The following FAM163A variants were observed in gnomAD, a reference collection of about 807,000 sequenced individuals.
FAM163A encodes the protein family with sequence similarity 163 member A.
A neutral mutation model predicts 12.0 loss-of-function variants in FAM163A; 7 were observed. The observed-to-expected ratio is 0.58, with a 90% CI of 0.33 to 1.10. FAM163A has a LOEUF of 1.10. Among genes scored for constraint, FAM163A ranks in the 50% least tolerant of loss-of-function variants. The pLI, the probability that FAM163A is intolerant of heterozygous loss-of-function variation, is 0.03. For missense variants in FAM163A, 202 were observed against 218.6 expected, an observed-to-expected ratio of 0.92 and a Z score of 0.48; for synonymous variants, 101 against 91.0, an observed-to-expected ratio of 1.11 and a Z score of -0.62.
chr1:179,740,592 G>A (rs748014615), upstream of FAM163A, among the ~76,000 whole-genome samples: 52 of 152,254 alleles, frequency 3.4e-4, no homozygotes, highest in Non-Finnish European at 6.8e-4. Context: ...AGGTTGCTGC[G>A]TGGGAAAAAA....
intron 1 of FAM163A, among the ~76,000 whole-genome samples, chr1:179,749,973 A>G (rs1020584760): frequency 1.3e-5 from 2 of 152,362 alleles, no homozygotes; most frequent in African/African-American, 4.8e-5. Flanking sequence ...ATATTCTATC[A>G]GCTTATTTAT....
intron 1 of FAM163A, among the ~76,000 whole-genome samples, chr1:179,791,233 G>T (rs1275306640): frequency 6.6e-6 from 1 of 152,146 alleles, no homozygotes; most frequent in Non-Finnish European, 1.5e-5. Context: ...CTGCCGACTG[G>T]GTCTAAGGAC....
intron 1 of FAM163A, among the ~76,000 whole-genome samples, chr1:179,760,898 C>A (rs1457581197): frequency 6.6e-6 from 1 of 152,226 alleles, no homozygotes; most frequent in African/African-American, 2.4e-5. Context: ...CCACTCCTGG[C>A]ACACCAAGTG....
At chr1:179,788,727 G>C (rs1047716849) in intron 1 of FAM163A, among the ~76,000 whole-genome samples, 9 of 152,152 alleles carry the variant, frequency 5.9e-5, no homozygotes, top group African/African-American at 2.2e-4. Flanking sequence ...CATTATGCAG[G>C]AATATAGAAA....
intron 1 of FAM163A, among the ~76,000 whole-genome samples, chr1:179,766,248 A>G (rs891659739): frequency 3.9e-5 from 6 of 152,208 alleles, no homozygotes; most frequent in African/African-American, 7.2e-5. Context: ...ACCTAAAAAT[A>G]TTAACCTAAC....
rs1425880998 is a variant in FAM163A at position 179,816,003 on chromosome 1, C to T, written c.*1814C>T. The T allele has an allele frequency of 6.6e-6, 1 of 152,186 alleles. No homozygotes were observed. Among genetic ancestry groups the T allele is most frequent in the Non-Finnish European group, 1.5e-5 (1 of 68,076 alleles). 9.4% of individuals were successfully genotyped at this position (152,186 alleles called of 1,614,324 possible). A position where few individuals can be genotyped will look rare whatever the true frequency, so the allele number is the denominator to read the frequency against. Reference sequence around the variant, plus strand: ...CTCCATTTTCTCCAGGGAAACGAGGCTTGCCCAGATAGACTAACAACCCTT... The same window carrying T: ...CTCCATTTTCTCCAGGGAAACGAGGTTTGCCCAGATAGACTAACAACCCTT... On this transcript the variant is annotated 3_prime_UTR_variant, in exon 5 of 5. Coordinates refer to ENST00000341785, the MANE Select transcript of FAM163A (RefSeq NM_173509.3).
chr1:179,809,960 C>A (rs1042705147), intron 2 of FAM163A, among the ~76,000 whole-genome samples: 34 of 152,168 alleles, frequency 2.2e-4, no homozygotes, highest in African/African-American at 8.2e-4. Flanking sequence ...CGAACAGTGA[C>A]GCTCAAGTCT....
chr1:179,805,589 C>G (rs1343964720), intron 1 of FAM163A, among the ~76,000 whole-genome samples: 1 of 151,988 alleles, frequency 6.6e-6, no homozygotes, highest in Non-Finnish European at 1.5e-5. Context: ...TAATGAAACG[C>G]TCTTACTCTG....
intron 1 of FAM163A, among the ~76,000 whole-genome samples, chr1:179,783,747 T>TTA (rs200478493): frequency 0.34 from 29,264 of 84,940 alleles, 3,556 homozygotes; most frequent in African/African-American, 0.43. Context: ...AGCCCAAATA[T>TTA]TATATATATA....
In FAM163A at chr1:179,814,090, A is replaced by C. The variant is rs376611873; in HGVS notation, c.405A>C (p.Pro135=). 19 of 1,614,036 alleles carry C rather than the reference A, an allele frequency of 1.2e-5. No homozygotes were observed. Among genetic ancestry groups the C allele is most frequent in the Non-Finnish European group, 1.5e-5 (18 of 1,180,034 alleles). ...APTYYKEGGP[P]SLKLAAPQSY... Reference sequence around the variant, plus strand: ...CATACTACAAAGAGGGGGGACCCCCATCCCTCAAATTGGCAGCACCCCAGA... The same window carrying C: ...CATACTACAAAGAGGGGGGACCCCCCTCCCTCAAATTGGCAGCACCCCAGA... Residue 135 remains proline (P), a synonymous_variant, in exon 5 of 5, where the codon CCA becomes CCC. Coordinates refer to ENST00000341785, the MANE Select transcript of FAM163A (RefSeq NM_173509.3).
At chr1:179,810,936 G>A (rs1244182986) in intron 2 of FAM163A, among the ~76,000 whole-genome samples, 1 of 152,030 alleles carries the variant, frequency 6.6e-6, no homozygotes, top group Non-Finnish European at 1.5e-5. Context: ...CCAGCTACTC[G>A]GGAGGCTGAG....
the FAM163A span, among the ~76,000 whole-genome samples, chr1:179,732,880 CAAAAAAAAA>C: frequency 4.1e-4 from 16 of 39,146 alleles, 1 homozygote; most frequent in African/African-American, 1.4e-3. Context: ...GACTCTGCCT[CAAAAAAAAA>C]AAAAAAAAAA....
intron 2 of FAM163A, among the ~76,000 whole-genome samples, chr1:179,809,932 G>T (rs1241745976): frequency 6.6e-6 from 1 of 152,172 alleles, no homozygotes; most frequent in Non-Finnish European, 1.5e-5. Flanking sequence ...ATGCACCTGG[G>T]CAAAATCAAA....
At chr1:179,753,061 C>T (rs934585576) in intron 1 of FAM163A, among the ~76,000 whole-genome samples, 11 of 152,172 alleles carry the variant, frequency 7.2e-5, no homozygotes, top group African/African-American at 2.7e-4. Context: ...TCTATGTATA[C>T]ACCACATTTT....
At chr1:179,785,726 T>A (rs1690519622) in intron 1 of FAM163A, among the ~76,000 whole-genome samples, 1 of 152,244 alleles carries the variant, frequency 6.6e-6, no homozygotes, top group African/African-American at 2.4e-5. Context: ...ATAGGCTATA[T>A]GTACACATTT....
intron 1 of FAM163A, among the ~76,000 whole-genome samples, chr1:179,770,371 A>G (rs1688113071): frequency 6.6e-6 from 1 of 151,886 alleles, no homozygotes; most frequent in African/African-American, 2.4e-5. Flanking sequence ...TTGGCCTCCC[A>G]CTCAGCACTC....
chr1:179,732,835 C>G, the FAM163A span, among the ~76,000 whole-genome samples: 2 of 141,126 alleles, frequency 1.4e-5, no homozygotes, highest in Non-Finnish European at 3.0e-5. Flanking sequence ...GAGCTGAGAT[C>G]GCACCACTAC....
chr1:179,735,670 A>G, the FAM163A span, among the ~76,000 whole-genome samples: 1 of 151,432 alleles, frequency 6.6e-6, no homozygotes, highest in Admixed American at 6.6e-5. Context: ...AGCCCGGCTA[A>G]TTTTTTGTAT....
In FAM163A at chr1:179,814,281, G is replaced by A; in HGVS notation, c.*92G>A. 6.8e-7 allele frequency: 1 copy of A among 1,461,564 alleles called. No individual in the cohort carries two copies. The highest frequency in any genetic ancestry group is 1.4e-5 in the South Asian group (1 of 73,682). 90.5% of individuals were successfully genotyped at this position (1,461,564 alleles called of 1,614,324 possible). On this transcript the variant is annotated 3_prime_UTR_variant, in exon 5 of 5. Coordinates refer to ENST00000341785, the MANE Select transcript of FAM163A (RefSeq NM_173509.3). ...ATGACCCTCCAACAGCCCCACATGGGTTGTTTCTGTTTCTTTGGCTTTTCT... is the reference window on the plus strand; with the variant it reads ...ATGACCCTCCAACAGCCCCACATGGATTGTTTCTGTTTCTTTGGCTTTTCT...
Sources: allele counts gnomAD v4.1 joint callset (sites outside exome capture counted in the v4.1 genomes callset), GRCh38; gene constraint gnomAD v4.1.1; transcripts MANE v1.5; gene names NCBI Gene and HGNC (gene_info 2026-07-23, HGNC 2026-07-21).